PLPPR1: variants seen among roughly 807,000 people sequenced by gnomAD.
The protein encoded by PLPPR1 is phospholipid phosphatase related 1.
PLPPR1 carries 10 observed loss-of-function variants against 33.1 expected under a neutral mutation model. The observed-to-expected ratio is 0.30, with a 90% confidence interval of 0.19 to 0.51. The LOEUF (loss-of-function observed/expected upper bound fraction) is 0.51, where lower values mean the gene tolerates loss of function less well. PLPPR1 is among the 20% of genes least tolerant of loss of function. The pLI, the probability that PLPPR1 is intolerant of heterozygous loss-of-function variation, is 0.97. For synonymous variants in PLPPR1, 151 were observed against 151.0 expected (o/e 1.00, Z 0.00); for missense variants, 304 against 408.1 (o/e 0.74, Z 2.20).
At chr9:101,234,504 T>G (rs564722681) in intron 2 of PLPPR1, among the ~76,000 whole-genome samples, 1 of 151,842 alleles carries the variant, frequency 6.6e-6, no homozygotes, top group African/African-American at 2.4e-5. Flanking sequence ...GTTCGTATCA[T>G]GTCCTTAGGG....
rs532397771 is a variant in PLPPR1, at chr9:101,129,741, G to T, written c.-45-55709G>T. ...ACCTACTCAGGAGGCTGAGGCAGGC[G>T]AATGGTGTGAACCTGGGAGATGGAG... On this transcript the variant is annotated intron_variant, in intron 1 of 7. Coordinates refer to ENST00000374874, the MANE Select transcript of PLPPR1 (RefSeq NM_207299.2). Among the ~76,000 whole-genome samples, 272 of 152,268 alleles carry T rather than the reference G, an allele frequency of 1.8e-3. 3 individuals carry two copies. In the South Asian group the frequency reaches 0.018, roughly 10 times the overall value.
chr9:101,199,813 A>G (rs1278955382), intron 2 of PLPPR1, among the ~76,000 whole-genome samples: 1 of 152,186 alleles, frequency 6.6e-6, no homozygotes, highest in East Asian at 1.9e-4. Context: ...CACACAGACC[A>G]CCTGCTTTGG....
intron 1 of PLPPR1, among the ~76,000 whole-genome samples, chr9:101,065,033 A>G (rs1440472411): frequency 6.6e-6 from 1 of 152,042 alleles, no homozygotes; most frequent in East Asian, 1.9e-4. Context: ...TAAGACATGA[A>G]CTTTTAGGGG....
intron 2 of PLPPR1, among the ~76,000 whole-genome samples, chr9:101,219,543 ATG>A (rs1826882726): frequency 6.6e-6 from 1 of 152,180 alleles, no homozygotes; most frequent in South Asian, 2.1e-4. Flanking sequence ...TATGTGTATA[ATG>A]TTTGAGTATA....
At chr9:101,298,004 T>A (rs1029270787) in intron 4 of PLPPR1, among the ~76,000 whole-genome samples, 1 of 152,220 alleles carries the variant, frequency 6.6e-6, no homozygotes, top group Non-Finnish European at 1.5e-5. Flanking sequence ...TTTGTAAATA[T>A]AAATTATTAA....
intron 1 of PLPPR1, among the ~76,000 whole-genome samples, chr9:101,100,622 T>G (rs1212683498): frequency 2.6e-5 from 4 of 151,876 alleles, no homozygotes; most frequent in Non-Finnish European, 5.9e-5. Context: ...TTTAAGAAAT[T>G]TCAAGGAATT....
intron 1 of PLPPR1, among the ~76,000 whole-genome samples, chr9:101,095,111 T>C (rs1830799352): frequency 6.6e-6 from 1 of 152,242 alleles, no homozygotes; most frequent in African/African-American, 2.4e-5. Context: ...TCAAATTGTC[T>C]GTCCTGGAAT....
intron 1 of PLPPR1, among the ~76,000 whole-genome samples, chr9:101,033,368 T>G (rs1829969061): frequency 6.6e-6 from 1 of 152,164 alleles, no homozygotes; most frequent in Non-Finnish European, 1.5e-5. Flanking sequence ...TTAATGCTGT[T>G]TTGCAGAAAT....
intron 1 of PLPPR1, among the ~76,000 whole-genome samples, chr9:101,085,100 C>T (rs190629413): frequency 6.6e-6 from 1 of 152,158 alleles, no homozygotes; most frequent in Admixed American, 6.5e-5. Context: ...GCTTAGGAGC[C>T]AATGGATAGC....
At chr9:101,071,722 A>G (rs1278771307) in intron 1 of PLPPR1, among the ~76,000 whole-genome samples, 1 of 152,166 alleles carries the variant, frequency 6.6e-6, no homozygotes, top group Non-Finnish European at 1.5e-5. Flanking sequence ...TTAAAAAGAA[A>G]TATAAAGTTT....
intron 1 of PLPPR1, among the ~76,000 whole-genome samples, chr9:101,076,515 T>A (rs1830538827): frequency 6.6e-6 from 1 of 152,198 alleles, no homozygotes; most frequent in Non-Finnish European, 1.5e-5. Context: ...CATGTTTGAA[T>A]CCCAGATGTC....
At chr9:101,236,655 A>G (rs911645599) in intron 2 of PLPPR1, among the ~76,000 whole-genome samples, 2 of 151,596 alleles carry the variant, frequency 1.3e-5, no homozygotes, top group African/African-American at 4.8e-5. Context: ...TCTATGGGTT[A>G]TAGTGATATT....
chr9:101,309,609 G>T (rs1588121647), intron 5 of PLPPR1, 148 bp downstream of exon 5: 2 of 802,626 alleles, frequency 2.5e-6, no homozygotes. Context: ...TGATATACTA[G>T]CCCCCCCACA....
intron 3 of PLPPR1, among the ~76,000 whole-genome samples, chr9:101,284,223 T>C (rs1828350474): frequency 6.6e-6 from 1 of 152,154 alleles, no homozygotes; most frequent in South Asian, 2.1e-4. Flanking sequence ...ATAGCCAAGA[T>C]ATGGAATCTG....
rs549540389 is a variant in PLPPR1 at position 101,082,918 on chromosome 9, T to G, written c.-46+53816T>G. ...AAGTAAATTGCTCAGCATGTGCCAG[T>G]GAGGGACAACTACTGTCATCACCCT... is the stretch of plus-strand genomic sequence containing the variant. On this transcript the variant is annotated intron_variant, in intron 1 of 7. Transcript: ENST00000374874. 1.9e-4 allele frequency among the ~76,000 whole-genome samples: 29 copies of G among 152,232 alleles called. No individual in the cohort carries two copies. In the South Asian group the frequency reaches 3.3e-3, roughly 17 times the overall value.
intron 3 of PLPPR1, among the ~76,000 whole-genome samples, chr9:101,283,339 GA>G (rs1256088349): frequency 6.6e-5 from 10 of 152,106 alleles, no homozygotes; most frequent in Admixed American, 5.9e-4. Context: ...GAATAGAACA[GA>G]ACCCAGAAAT....
At chr9:101,284,958 A>G (rs118168866) in intron 3 of PLPPR1, among the ~76,000 whole-genome samples, 3,118 of 152,268 alleles carry the variant, frequency 0.02, 44 homozygotes, top group Middle Eastern at 0.088. Context: ...TTGGAATCCA[A>G]TTGACGTGTA....
At chr9:101,268,214 C>T (rs897915505) in intron 2 of PLPPR1, among the ~76,000 whole-genome samples, 3 of 150,340 alleles carry the variant, frequency 2.0e-5, no homozygotes, top group Non-Finnish European at 4.4e-5. Context: ...AACAAACCTG[C>T]ACATTGTGCA....
intron 1 of PLPPR1, among the ~76,000 whole-genome samples, chr9:101,155,989 A>G (rs1404743225): frequency 6.6e-6 from 1 of 152,226 alleles, no homozygotes; most frequent in African/African-American, 2.4e-5. Flanking sequence ...TTAAGGAGTC[A>G]GCCAATTAGT....
Sources: gnomAD v4.1 joint callset for allele counts (sites outside exome capture counted in the v4.1 genomes callset) on GRCh38, gnomAD v4.1.1 for gene constraint, MANE v1.5 for transcripts, NCBI Gene and HGNC (gene_info 2026-07-23, HGNC 2026-07-21) for gene names.